Variants in ZCCHC7 observed in about 807,000 individuals in gnomAD.
ZCCHC7 encodes zinc finger CCHC domain-containing protein 7.
In ZCCHC7, 35 loss-of-function variants were observed where a neutral mutation model predicts 52.0. The ratio of observed to expected loss-of-function variants is 0.67; its 90% CI spans 0.51 to 0.89. The LOEUF (loss-of-function observed/expected upper bound fraction) is 0.89. Among genes scored for constraint, ZCCHC7 ranks in the 40% least tolerant of loss-of-function variants. The pLI is 0.00. For synonymous variants in ZCCHC7, 217 were observed against 221.5 expected (o/e 0.98, Z 0.18); for missense variants, 574 against 649.1 (o/e 0.88, Z 1.26).
intron 5 of ZCCHC7, 22 bp downstream of exon 5, chr9:37,305,736 A>G (rs780252097): frequency 6.2e-7 from 1 of 1,608,616 alleles, no homozygotes; most frequent in Non-Finnish European, 8.5e-7. Context: ...GCATATAACT[A>G]ATTTGTCAGG....
intron 6 of ZCCHC7, among the ~76,000 whole-genome samples, chr9:37,348,118 C>A (rs895035588): frequency 1.1e-4 from 16 of 152,202 alleles, no homozygotes; most frequent in African/African-American, 3.6e-4. Context: ...ATCTACTCTT[C>A]AGCTCAGACT....
At chr9:37,261,492 T>C (rs1448133590) in intron 2 of ZCCHC7, among the ~76,000 whole-genome samples, 1 of 152,198 alleles carries the variant, frequency 6.6e-6, no homozygotes, top group Non-Finnish European at 1.5e-5. Context: ...ACATTATCAC[T>C]TCCTAACTGA....
intron 2 of ZCCHC7, among the ~76,000 whole-genome samples, chr9:37,211,517 A>G (rs182540629): frequency 6.6e-6 from 1 of 151,112 alleles, no homozygotes; most frequent in Non-Finnish European, 1.5e-5. Context: ...ATTTTTTTTT[A>G]TTTATAATGC....
chr9:37,258,154 G>C (rs1826679028), intron 2 of ZCCHC7, among the ~76,000 whole-genome samples: 1 of 152,144 alleles, frequency 6.6e-6, no homozygotes, highest in East Asian at 1.9e-4. Flanking sequence ...TGAGCAGTTT[G>C]CTTTTATCAT....
chr9:37,216,348 C>T (rs1824503492), intron 2 of ZCCHC7, among the ~76,000 whole-genome samples: 1 of 152,122 alleles, frequency 6.6e-6, no homozygotes, highest in Admixed American at 6.6e-5. Context: ...TTATACCTTT[C>T]CAATTTTATT....
intron 2 of ZCCHC7, among the ~76,000 whole-genome samples, chr9:37,223,389 CA>C (rs1824927130): frequency 6.6e-6 from 1 of 151,698 alleles, no homozygotes. Context: ...GTAAGCCTGA[CA>C]TAAAGGGACA....
In ZCCHC7 at chr9:37,257,619, A is replaced by AT. The variant is rs879834444; in HGVS notation, c.611-44556dup. On this transcript the variant is annotated intron_variant, in intron 2 of 8. Coordinates refer to ENST00000336755, the MANE Select transcript of ZCCHC7 (RefSeq NM_032226.3). The stretch of plus-strand genomic sequence containing the variant: ...TTTTAAATTAGTGGAGAACTATTTA[A>AT]TTTTTTTTTTTTTAGTTTTAATGTC... 3.2e-3 allele frequency among the ~76,000 whole-genome samples: 472 copies of AT among 146,754 alleles called. 6 individuals carry two copies. Among genetic ancestry groups the AT allele is most frequent in the East Asian group, 0.026 (133 of 5,064 alleles).
chr9:37,195,873 C>A (rs1823263320), intron 2 of ZCCHC7, among the ~76,000 whole-genome samples: 1 of 152,098 alleles, frequency 6.6e-6, no homozygotes, highest in East Asian at 1.9e-4. Flanking sequence ...ATTAGAGTCA[C>A]CACGATTTAA....
chr9:37,356,410 C>T (rs1252548361), intron 8 of ZCCHC7, among the ~76,000 whole-genome samples: 1 of 152,200 alleles, frequency 6.6e-6, no homozygotes, highest in Non-Finnish European at 1.5e-5. Context: ...AGTACTATGG[C>T]CAGGCCTTAT....
chr9:37,217,008 T>C (rs1474900402), intron 2 of ZCCHC7, among the ~76,000 whole-genome samples: 1 of 152,114 alleles, frequency 6.6e-6, no homozygotes, highest in Non-Finnish European at 1.5e-5. Context: ...ATCTCACTTT[T>C]CTTTTTATTT....
At chr9:37,270,779 C>T (rs1827368926) in intron 2 of ZCCHC7, among the ~76,000 whole-genome samples, 1 of 144,278 alleles carries the variant, frequency 6.9e-6, no homozygotes, top group Non-Finnish European at 1.5e-5. Context: ...TTAAAGAGGC[C>T]ATCATTGAAA....
chr9:37,341,848 G>A (rs1264925085), intron 6 of ZCCHC7, among the ~76,000 whole-genome samples: 5 of 152,080 alleles, frequency 3.3e-5, no homozygotes, highest in Admixed American at 6.6e-5. Context: ...GTTTGTCTGG[G>A]GTATTCAGAG....
intron 2 of ZCCHC7, among the ~76,000 whole-genome samples, chr9:37,186,377 A>G (rs923179984): frequency 1.3e-5 from 2 of 152,272 alleles, no homozygotes; most frequent in African/African-American, 4.8e-5. Flanking sequence ...TTTAATAGCT[A>G]TGAGAGATGG....
At chr9:37,239,311 A>G (rs1457659331) in intron 2 of ZCCHC7, among the ~76,000 whole-genome samples, 2 of 152,100 alleles carry the variant, frequency 1.3e-5, no homozygotes, top group African/African-American at 4.8e-5. Context: ...AGTGTTTACT[A>G]GTTTTCATTG....
chr9:37,178,447 A>G (rs1271207648), intron 2 of ZCCHC7, among the ~76,000 whole-genome samples: 2 of 149,322 alleles, frequency 1.3e-5, no homozygotes, highest in African/African-American at 4.9e-5. Flanking sequence ...AAAAAAGGAG[A>G]AGGTAAAAAG....
chr9:37,210,772 T>A (rs1024756466), intron 2 of ZCCHC7, among the ~76,000 whole-genome samples: 11 of 152,184 alleles, frequency 7.2e-5, no homozygotes, highest in African/African-American at 2.4e-4. Context: ...CTTGGAAAGG[T>A]AGGGGTCAAG....
chr9:37,306,762 CTTTTTTTTTTTTTTTTTTTTTTTTT>C (rs869292704), intron 5 of ZCCHC7, among the ~76,000 whole-genome samples: 46 of 52,034 alleles, frequency 8.8e-4, no homozygotes, highest in Admixed American at 1.9e-3. Flanking sequence ...TGTACCCGAC[CTTTTTTTTTTTTTTTTTTTTTTTTT>C]TTTTTTTTTT....
chr9:37,273,004 A>G (rs1360502323), intron 2 of ZCCHC7, among the ~76,000 whole-genome samples: 1 of 152,228 alleles, frequency 6.6e-6, no homozygotes, highest in Non-Finnish European at 1.5e-5. Context: ...GTGCATGTAT[A>G]TGAGAGTTTC....
At chr9:37,322,726 A>G (rs1191146841) in intron 5 of ZCCHC7, among the ~76,000 whole-genome samples, 3 of 150,856 alleles carry the variant, frequency 2.0e-5, no homozygotes, top group African/African-American at 7.3e-5. Context: ...CTGTAGTCTA[A>G]TAAAATCTGT....
Sources: allele counts gnomAD v4.1 joint callset (sites outside exome capture counted in the v4.1 genomes callset), GRCh38; gene constraint gnomAD v4.1.1; transcripts MANE v1.5; gene names NCBI Gene and HGNC (gene_info 2026-07-23, HGNC 2026-07-21).